The following SCRN3 variants were observed in gnomAD, a reference collection of about 807,000 sequenced individuals.
The protein encoded by SCRN3 is secernin 3.
Under a neutral mutation model 43.1 loss-of-function variants are expected in SCRN3, and 39 were observed. The ratio of observed to expected loss-of-function variants is 0.91; its 90% CI spans 0.70 to 1.18. The LOEUF (loss-of-function observed/expected upper bound fraction) is 1.18, where lower values mean the gene tolerates loss of function less well. Ranked by LOEUF, SCRN3 falls within the 50% of genes most tolerant of loss-of-function variation. The pLI, the probability that SCRN3 is intolerant of heterozygous loss-of-function variation, is 0.00. For synonymous variants in SCRN3, 147 were observed against 163.1 expected (o/e 0.90, Z 0.75); for missense variants, 484 against 498.0 (o/e 0.97, Z 0.27).
intron 5 of SCRN3, among the ~76,000 whole-genome samples, chr2:174,415,540 A>C (rs1368055401): frequency 6.6e-6 from 1 of 152,188 alleles, no homozygotes; most frequent in Non-Finnish European, 1.5e-5. Flanking sequence ...CAGCAAAGTA[A>C]GCTTTATTTA....
intron 6 of SCRN3, among the ~76,000 whole-genome samples, chr2:174,423,753 G>A (rs1278945397): frequency 6.8e-6 from 1 of 147,672 alleles, no homozygotes; most frequent in East Asian, 2.0e-4. Context: ...ACAGGCGTGA[G>A]CCACCGCACC....
At chr2:174,396,809 C>CACA in intron 1 of SCRN3, 1 of 148,750 alleles carries the variant, frequency 6.7e-6, no homozygotes, top group South Asian at 2.1e-4. Context: ...AAAAAAAAAA[C>CACA]AAAAAACGAA....
intron 6 of SCRN3, among the ~76,000 whole-genome samples, chr2:174,423,803 T>TG (rs1491278736): frequency 8.5e-6 from 1 of 117,284 alleles, no homozygotes; most frequent in Non-Finnish European, 2.0e-5. Flanking sequence ...TTTTTTTTTT[T>TG]GACACAGGGC....
intron 1 of SCRN3, chr2:174,396,040 A>C (rs1193246625): frequency 7.7e-7 from 1 of 1,303,384 alleles, no homozygotes; most frequent in Non-Finnish European, 9.7e-7. Context: ...CTCGAGCTGC[A>C]AAAGCTTTTC....
At chr2:174,417,881 G>A (rs1686170143) in intron 5 of SCRN3, among the ~76,000 whole-genome samples, 1 of 152,120 alleles carries the variant, frequency 6.6e-6, no homozygotes, top group Non-Finnish European at 1.5e-5. Flanking sequence ...AATTAACAAA[G>A]TATTGTTAGT....
Position 174,395,792 on chromosome 2 carries a change from G to A in SCRN3, c.-35G>A. 1 of 1,554,806 alleles carries A rather than the reference G, an allele frequency of 6.4e-7. No homozygotes were observed. The highest frequency in any genetic ancestry group is 8.7e-7 in the Non-Finnish European group (1 of 1,148,348). ...TGGCCACTCCTCCCTCCGTCCACCTGTCACTTCGGGTAGCTGGGAGGCCAG... is the reference window on the plus strand; with the variant it reads ...TGGCCACTCCTCCCTCCGTCCACCTATCACTTCGGGTAGCTGGGAGGCCAG... On this transcript the variant is annotated 5_prime_UTR_variant, in exon 1 of 8. Transcript: ENST00000272732.
At position 174,395,804 on chromosome 2, in the gene SCRN3, A is replaced by G; in HGVS notation, c.-23A>G. The G allele has an allele frequency of 4.5e-6, 7 of 1,544,932 alleles. No individual in the cohort carries two copies. Among genetic ancestry groups the G allele is most frequent in the Non-Finnish European group, 6.1e-6 (7 of 1,143,528 alleles). On this transcript the variant is annotated 5_prime_UTR_variant, in exon 1 of 8. Transcript: ENST00000272732. ...CCTCCGTCCACCTGTCACTTCGGGT[A>G]GCTGGGAGGCCAGGTGAGGGGCGCG...
intron 5 of SCRN3, among the ~76,000 whole-genome samples, chr2:174,408,851 T>C (rs1451213084): frequency 9.0e-6 from 1 of 110,540 alleles, no homozygotes; most frequent in African/African-American, 3.3e-5. Context: ...TGGGCTTCCC[T>C]TTGAGGGTAA....
intron 2 of SCRN3, 102 bp from the exon 3 acceptor site, chr2:174,399,820 A>G (rs1685439879): frequency 5.1e-6 from 4 of 789,284 alleles, no homozygotes; most frequent in Non-Finnish European, 7.1e-6. Context: ...TACCTCTTTC[A>G]TAACAGTTTT....
chr2:174,411,558 A>G (rs1685917351), intron 5 of SCRN3, among the ~76,000 whole-genome samples: 1 of 151,974 alleles, frequency 6.6e-6, no homozygotes, highest in South Asian at 2.1e-4. Context: ...GTTCTGTATA[A>G]CTCCCATTTC....
At chr2:174,411,935 T>A (rs7588426) in intron 5 of SCRN3, among the ~76,000 whole-genome samples, 150,371 of 152,278 alleles carry the variant, frequency 0.99, 74,278 homozygotes, top group Non-Finnish European at 1. Context: ...AAAATTTTTT[T>A]AATTAAAAAT....
At chr2:174,410,317 T>A (rs1312309574) in intron 5 of SCRN3, 1 of 150,628 alleles carries the variant, frequency 6.6e-6, no homozygotes, top group Non-Finnish European at 1.5e-5. Flanking sequence ...CTGCTTCGGC[T>A]CGCGCACGGT....
intron 5 of SCRN3, among the ~76,000 whole-genome samples, chr2:174,414,948 G>C (rs1173509107): frequency 1.3e-5 from 2 of 151,804 alleles, no homozygotes; most frequent in Non-Finnish European, 2.9e-5. Context: ...ATTTTTTGTA[G>C]AGATGGGTTT....
At chr2:174,425,219 G>A (rs1190598992) in intron 7 of SCRN3, among the ~76,000 whole-genome samples, 1 of 152,032 alleles carries the variant, frequency 6.6e-6, no homozygotes, top group African/African-American at 2.4e-5. Flanking sequence ...CATTATATAA[G>A]AGCAATATAT....
chr2:174,412,073 T>C (rs1457775186), intron 5 of SCRN3, among the ~76,000 whole-genome samples: 1 of 152,104 alleles, frequency 6.6e-6, no homozygotes, highest in African/African-American at 2.4e-5. Context: ...AAAGAATGCA[T>C]GGAACAGCTT....
At chr2:174,426,601 G>A (rs778218815) in intron 7 of SCRN3, among the ~76,000 whole-genome samples, 44 of 152,046 alleles carry the variant, frequency 2.9e-4, no homozygotes, top group Non-Finnish European at 5.3e-4. Context: ...ATGAAACCCC[G>A]TCTGTACTAA....
chr2:174,429,972 T>A (rs965516310), downstream of SCRN3, among the ~76,000 whole-genome samples: 3 of 152,222 alleles, frequency 2.0e-5, no homozygotes, highest in Non-Finnish European at 4.4e-5. Context: ...TTTCTTTTAG[T>A]GCTAAGTAAT....
chr2:174,395,971 G>A (rs1389292802), intron 1 of SCRN3, 154 bp downstream of exon 1: 5 of 1,387,366 alleles, frequency 3.6e-6, no homozygotes, highest in Non-Finnish European at 4.7e-6. Context: ...GGTGGACCGC[G>A]GCGGCCCTTC....
At position 174,408,526 on chromosome 2, in the gene SCRN3, G is replaced by A. The variant is rs1408181453; in HGVS notation, c.754+4211G>A. On this transcript the variant is annotated intron_variant, in intron 5 of 7. Coordinates refer to ENST00000272732, the MANE Select transcript of SCRN3 (RefSeq NM_024583.5). The stretch of plus-strand genomic sequence containing the variant: ...ATGATGATAGCTGGTGATTTTGCTC[G>A]TTAGTTGATGCAGTTTCTTCCTAGT... Among the ~76,000 whole-genome samples the A allele has an allele frequency of 3.1e-4, 47 of 149,208 alleles. 1 individual carries two copies. The South Asian group carries it at 7.4e-3, about 23-fold the overall frequency.
Sources: gnomAD v4.1 joint callset for allele counts (sites outside exome capture counted in the v4.1 genomes callset) on GRCh38, gnomAD v4.1.1 for gene constraint, MANE v1.5 for transcripts, NCBI Gene and HGNC (gene_info 2026-07-23, HGNC 2026-07-21) for gene names.